The following COMMD10 variants were observed in gnomAD, a reference collection of about 807,000 sequenced individuals.
COMMD10 encodes COMM domain-containing protein 10.
Under a neutral mutation model 28.9 loss-of-function variants are expected in COMMD10, and 33 were observed. The observed-to-expected ratio is 1.14, with a 90% CI of 0.87 to 1.53. The LOEUF (loss-of-function observed/expected upper bound fraction) is 1.53, where lower values mean the gene tolerates loss of function less well. COMMD10 is among the 40% of genes most tolerant of loss of function. The probability of loss-of-function intolerance (pLI) is 0.00; values close to 1 mark genes in which losing one functional copy is unlikely to be tolerated. For missense variants in COMMD10, 310 were observed against 233.4 expected (o/e 1.33, Z -2.14); for synonymous variants, 110 against 81.7 (o/e 1.35, Z -1.87).
intron 5 of COMMD10, among the ~76,000 whole-genome samples, chr5:116,159,234 G>C (rs972193374): frequency 6.6e-6 from 1 of 152,182 alleles, no homozygotes; most frequent in Non-Finnish European, 1.5e-5. Context: ...CTGCCTATTT[G>C]ATTTCACCTC....
At chr5:116,126,659 A>C (rs182453699) in intron 4 of COMMD10, among the ~76,000 whole-genome samples, 61 of 152,136 alleles carry the variant, frequency 4.0e-4, no homozygotes, top group African/African-American at 1.5e-3. Flanking sequence ...AACCTGACAA[A>C]AACAAGAAAT....
intron 5 of COMMD10, among the ~76,000 whole-genome samples, chr5:116,195,668 A>G (rs1748496824): frequency 1.3e-5 from 2 of 152,194 alleles, no homozygotes; most frequent in African/African-American, 2.4e-5. Context: ...AGATGACCCA[A>G]ACAAATGGAA....
At chr5:116,268,120 G>A (rs1214499378) in intron 5 of COMMD10, among the ~76,000 whole-genome samples, 1 of 151,986 alleles carries the variant, frequency 6.6e-6, no homozygotes, top group East Asian at 1.9e-4. Flanking sequence ...AAACTAAAGA[G>A]CTTCTGCACA....
intron 5 of COMMD10, among the ~76,000 whole-genome samples, chr5:116,284,871 T>G (rs1751176996): frequency 6.6e-6 from 1 of 152,000 alleles, no homozygotes; most frequent in Non-Finnish European, 1.5e-5. Context: ...TTAATACTAG[T>G]AATTGAACTT....
At chr5:116,212,496 C>CTTTGTGTGTGTGTGTG (rs1554102852) in intron 5 of COMMD10, among the ~76,000 whole-genome samples, 1 of 63,798 alleles carries the variant, frequency 1.6e-5, no homozygotes, top group Non-Finnish European at 4.4e-5. Flanking sequence ...TACTGAAATG[C>CTTTGTGTGTGTGTGTG]TGTGTGTGTG....
intron 5 of COMMD10, among the ~76,000 whole-genome samples, chr5:116,183,158 A>C (rs539601379): frequency 6.6e-6 from 1 of 152,184 alleles, no homozygotes; most frequent in African/African-American, 2.4e-5. Context: ...GAGAGAGGCC[A>C]TTGACTCACC....
intron 5 of COMMD10, among the ~76,000 whole-genome samples, chr5:116,266,945 C>G (rs1416987171): frequency 6.6e-6 from 1 of 151,786 alleles, no homozygotes; most frequent in Non-Finnish European, 1.5e-5. Flanking sequence ...TGGGATATAT[C>G]TCAAAATAAT....
chr5:116,240,809 C>T (rs549684823), intron 5 of COMMD10, among the ~76,000 whole-genome samples: 5 of 152,118 alleles, frequency 3.3e-5, no homozygotes, highest in Non-Finnish European at 7.4e-5. Flanking sequence ...GTGGTGATTT[C>T]GAACTTGTAG....
intron 5 of COMMD10, among the ~76,000 whole-genome samples, chr5:116,248,426 G>A (rs553305974): frequency 7.5e-4 from 114 of 152,096 alleles, no homozygotes; most frequent in African/African-American, 2.7e-3. Context: ...AAGAATTAAG[G>A]TTATTTACAA....
intron 5 of COMMD10, among the ~76,000 whole-genome samples, chr5:116,266,851 G>C (rs1750600717): frequency 6.6e-6 from 1 of 151,772 alleles, no homozygotes; most frequent in East Asian, 1.9e-4. Context: ...AAAACGACAA[G>C]ATTATCTCAA....
chr5:116,216,901 A>AT (rs1363098017), intron 5 of COMMD10, among the ~76,000 whole-genome samples: 1 of 152,118 alleles, frequency 6.6e-6, no homozygotes, highest in Non-Finnish European at 1.5e-5. Context: ...TTTAGTTAAC[A>AT]TTTTTTAACC....
chr5:116,272,414 C>T (rs2112698545), intron 5 of COMMD10, among the ~76,000 whole-genome samples: 1 of 151,954 alleles, frequency 6.6e-6, no homozygotes, highest in Non-Finnish European at 1.5e-5. Context: ...GTGAAGCTTT[C>T]TTAGGTGTTT....
intron 5 of COMMD10, among the ~76,000 whole-genome samples, chr5:116,262,021 C>A (rs1408657239): frequency 6.6e-6 from 1 of 151,532 alleles, no homozygotes. Flanking sequence ...ATTATTTTTT[C>A]CACTTTCAGA....
intron 5 of COMMD10, among the ~76,000 whole-genome samples, chr5:116,184,000 T>G (rs4286716): frequency 6.6e-6 from 1 of 152,020 alleles, no homozygotes; most frequent in Non-Finnish European, 1.5e-5. Context: ...TAATCAGTCA[T>G]CCGTTAAGGG....
chr5:116,118,183 A>G lies in COMMD10; in HGVS notation c.400-15885A>G, dbSNP rs191945888. Among the ~76,000 whole-genome samples the G allele has an allele frequency of 4.3e-3, 654 of 152,172 alleles. 2 individuals carry two copies. The highest frequency in any genetic ancestry group is 6.8e-3 in the African/African-American group (281 of 41,514). ...TTCCAGCTGATTGTTTAAATGTCACATTTGTCAGTGAATCTTTCCCTGATA... is the reference window on the plus strand; with the variant it reads ...TTCCAGCTGATTGTTTAAATGTCACGTTTGTCAGTGAATCTTTCCCTGATA... On this transcript the variant is annotated intron_variant, in intron 4 of 6. Transcript: ENST00000274458.
intron 5 of COMMD10, among the ~76,000 whole-genome samples, chr5:116,204,876 A>G (rs7709377): frequency 0.37 from 56,602 of 151,936 alleles, 13,001 homozygotes; most frequent in African/African-American, 0.66. Flanking sequence ...TCCCATCGCA[A>G]TTTTAGACAA....
At chr5:116,279,279 T>C (rs757963866) in intron 5 of COMMD10, among the ~76,000 whole-genome samples, 1 of 151,918 alleles carries the variant, frequency 6.6e-6, no homozygotes, top group African/African-American at 2.4e-5. Context: ...CTAACAAGTT[T>C]AGAGTTTTTG....
At chr5:116,187,368 A>G (rs1456637148) in intron 5 of COMMD10, among the ~76,000 whole-genome samples, 4 of 152,158 alleles carry the variant, frequency 2.6e-5, no homozygotes, top group African/African-American at 4.8e-5. Flanking sequence ...CAAAATAATA[A>G]TTGTATATGC....
chr5:116,159,287 A>C (rs1414299125), intron 5 of COMMD10, among the ~76,000 whole-genome samples: 1 of 152,160 alleles, frequency 6.6e-6, no homozygotes, highest in East Asian at 1.9e-4. Flanking sequence ...TGACCATAGA[A>C]GTTGCCTTGT....
Sources: gnomAD v4.1 joint callset for allele counts (sites outside exome capture counted in the v4.1 genomes callset) on GRCh38, gnomAD v4.1.1 for gene constraint, MANE v1.5 for transcripts, NCBI Gene and HGNC (gene_info 2026-07-23, HGNC 2026-07-21) for gene names.